ZNF208: variants seen among roughly 807,000 people sequenced by gnomAD.
ZNF208 encodes the protein zinc finger protein 208, also known as zinc finger protein 95.
ZNF208 carries 10 observed loss-of-function variants against 12.1 expected under a neutral mutation model. The ratio of observed to expected loss-of-function variants is 0.83; its 90% CI spans 0.51 to 1.40. The LOEUF (loss-of-function observed/expected upper bound fraction) is 1.40, where lower values mean the gene tolerates loss of function less well. Among genes scored for constraint, ZNF208 ranks in the 40% most tolerant of loss-of-function variants. The pLI is 0.00. For synonymous variants in ZNF208, 497 were observed against 488.4 expected, an observed-to-expected ratio of 1.02 and a Z score of -0.23; for missense variants, 1,652 against 1,485.0, an observed-to-expected ratio of 1.11 and a Z score of -1.85.
At chr19:21,956,318 CA>C (rs1211664858) in intron 4 of ZNF208, among the ~76,000 whole-genome samples, 4 of 91,504 alleles carry the variant, frequency 4.4e-5, no homozygotes, top group Non-Finnish European at 8.8e-5. Context: ...TGTCCATTCT[CA>C]TATCTCAAAA....
At position 21,974,574 on chromosome 19, in the gene ZNF208, A is replaced by G. The variant is rs369077221; in HGVS notation, c.460T>C (p.Phe154Leu). 1.9e-6 allele frequency: 3 copies of G among 1,613,684 alleles called. No homozygotes were observed. The highest frequency in any genetic ancestry group is 2.5e-6 in the Non-Finnish European group (3 of 1,179,722). The change falls in exon 4 of 4, where the codon TTT becomes CTT. Residue 154 changes from phenylalanine to leucine, a missense_variant. Transcript: ENST00000397126. Reference protein sequence around the residue: ...VFQRGKYANVFHKCSNSNRHK... With the variant: ...VFQRGKYANVLHKCSNSNRHK... ...CTGTTTGAATTTGAACATTTATGAA[A>G]GACATTTGCATATTTGCCACGTTGA...
chr19:21,985,199 TAGAAAC>T (rs1323742358), intron 3 of ZNF208, among the ~76,000 whole-genome samples: 2 of 152,116 alleles, frequency 1.3e-5, no homozygotes, highest in African/African-American at 4.8e-5. Context: ...TTTAAACTCT[TAGAAAC>T]AGATAAAAAC....
chr19:22,005,954 A>C (rs188769962), intron 1 of ZNF208, among the ~76,000 whole-genome samples: 2 of 152,272 alleles, frequency 1.3e-5, no homozygotes, highest in African/African-American at 4.8e-5. Flanking sequence ...TACCTACTAC[A>C]CAACCAGGAA....
chr19:21,947,483 T>C (rs1969832466), intron 4 of ZNF208, among the ~76,000 whole-genome samples: 1 of 152,160 alleles, frequency 6.6e-6, no homozygotes, highest in Admixed American at 6.5e-5. Context: ...TGGAATGGGA[T>C]TGTTCTCCAT....
intron 3 of ZNF208, among the ~76,000 whole-genome samples, chr19:21,977,441 G>C (rs1970453277): frequency 6.6e-6 from 1 of 152,180 alleles, no homozygotes; most frequent in Non-Finnish European, 1.5e-5. Flanking sequence ...CCAAAGCAGG[G>C]TGGGATGTCG....
rs757189243 is a variant in ZNF208, at chr19:21,970,732, T to G, written c.*459A>C. On this transcript the variant is annotated 3_prime_UTR_variant, in exon 4 of 4. Transcript: ENST00000397126. The stretch of plus-strand genomic sequence containing the variant: ...ATGAATTTTCTTATGTGTAGGAGGG[T>G]TGGGAACTGTTTAAAAGCTTTGCCA... 1.6e-6 allele frequency: 2 copies of G among 1,252,936 alleles called. No homozygotes were observed. Among genetic ancestry groups the G allele is most frequent in the Admixed American group, 1.7e-5 (1 of 57,788 alleles). The allele number at this position is 1,252,936 out of a possible 1,614,324, so 77.6% of individuals were successfully genotyped here. A position where few individuals can be genotyped will look rare whatever the true frequency, so the allele number is the denominator to read the frequency against.
At chr19:22,000,256 G>T (rs1444019712) in intron 1 of ZNF208, among the ~76,000 whole-genome samples, 1 of 152,126 alleles carries the variant, frequency 6.6e-6, no homozygotes, top group African/African-American at 2.4e-5. Flanking sequence ...CGTAATATAT[G>T]TTCTTCTCAT....
rs1250196188 is a variant in ZNF208 at position 21,974,290 on chromosome 19, C to T, written c.744G>A (p.Lys248=). The change falls in exon 4 of 4, where the codon AAG becomes AAA. Residue 248 remains lysine (K), a synonymous_variant. Transcript: ENST00000397126. The part of the protein sequence containing the change: ...FSKFSILTKH[K]VIHTGEKSYK... ...AGGATTTCTCTCCAGTATGAATTAC[C>T]TTATGTTTAGTAAGGATTGAGAACT... 2.5e-6 allele frequency: 4 copies of T among 1,613,244 alleles called. No individual in the cohort carries two copies. Among genetic ancestry groups the T allele is most frequent in the Non-Finnish European group, 2.5e-6 (3 of 1,179,730 alleles).
chr19:21,954,726 G>C (rs1207968290), intron 4 of ZNF208, among the ~76,000 whole-genome samples: 4 of 152,118 alleles, frequency 2.6e-5, no homozygotes, highest in East Asian at 1.9e-4. Context: ...GCCTATGTGT[G>C]TCTCTGCAGG....
chr19:21,953,887 T>A (rs1161204525), intron 4 of ZNF208, among the ~76,000 whole-genome samples: 2 of 152,236 alleles, frequency 1.3e-5, no homozygotes, highest in African/African-American at 2.4e-5. Flanking sequence ...TTTTTGAATG[T>A]GTTTGCTCAT....
rs1341621706 is a variant in ZNF208 at position 21,970,899 on chromosome 19, T to C, written c.*292A>G. On this transcript the variant is annotated 3_prime_UTR_variant, in exon 4 of 4. Coordinates refer to ENST00000397126, the MANE Select transcript of ZNF208 (RefSeq NM_007153.3). ...ATGAATTTTCTATGATAACTGAGGG[T>C]TGAGGACCACTTATAGGCTTTGCCA... is the stretch of plus-strand genomic sequence containing the variant. Among the ~76,000 whole-genome samples the C allele has an allele frequency of 6.6e-6, 1 of 151,428 alleles. No individual in the cohort carries two copies. Among genetic ancestry groups the C allele is most frequent in the Admixed American group, 6.6e-5 (1 of 15,180 alleles).
intron 4 of ZNF208, among the ~76,000 whole-genome samples, chr19:21,943,685 A>G (rs1327751299): frequency 6.6e-6 from 1 of 152,190 alleles, no homozygotes; most frequent in African/African-American, 2.4e-5. Flanking sequence ...AACAAAAAAA[A>G]TGAGATAGGA....
Position 21,969,824 on chromosome 19 carries a change from C to G in ZNF208, c.*1367G>C, listed in dbSNP as rs527554984. 2.6e-4 allele frequency among the ~76,000 whole-genome samples: 39 copies of G among 152,236 alleles called. No individual in the cohort carries two copies. Among genetic ancestry groups the G allele is most frequent in the Non-Finnish European group, 3.7e-4 (25 of 68,010 alleles). ...TTTTATTTTCTGAAAGATCTAGTGA[C>G]AGTGATTGCACTTTTAATACTTTTA... On this transcript the variant is annotated 3_prime_UTR_variant, in exon 4 of 4. Transcript: ENST00000397126.
At chr19:21,961,378 G>C (rs538271926), downstream of ZNF208, among the ~76,000 whole-genome samples, 1 of 152,170 alleles carries the variant, frequency 6.6e-6, no homozygotes, top group African/African-American at 2.4e-5. Context: ...AAGATCACAT[G>C]CTTCTGAGGA....
intron 3 of ZNF208, among the ~76,000 whole-genome samples, chr19:21,979,679 G>A (rs1386155471): frequency 1.3e-5 from 2 of 152,078 alleles, no homozygotes; most frequent in South Asian, 2.1e-4. Flanking sequence ...CAACTAATGG[G>A]CAAAATAACC....
chr19:21,978,059 T>A (rs1407920000), intron 3 of ZNF208, among the ~76,000 whole-genome samples: 1 of 151,980 alleles, frequency 6.6e-6, no homozygotes, highest in East Asian at 1.9e-4. Flanking sequence ...CTGAAAAAAA[T>A]GCAGCAGCCA....
chr19:21,974,195 G>A lies in ZNF208; in HGVS notation c.839C>T (p.Thr280Ile). ...TTCACATTTGTTGGGTTTCTCTCCA[G>A]TATGAATTATCTTATGTTTAGTAAG... ...AILTKHKIIH[T>I]GEKPNKCEEC... Residue 280 changes from threonine (T) to isoleucine (I), a missense_variant, in exon 4 of 4, where the codon ACT (threonine) becomes ATT (isoleucine). Transcript: ENST00000397126. The A allele has an allele frequency of 6.2e-7, 1 of 1,603,032 alleles. No homozygotes were observed. The highest frequency in any genetic ancestry group is 1.7e-4 in the Middle Eastern group (1 of 6,030).
intron 1 of ZNF208, among the ~76,000 whole-genome samples, chr19:22,008,345 G>T: frequency 6.7e-6 from 1 of 148,222 alleles, no homozygotes; most frequent in Non-Finnish European, 1.5e-5. Context: ...CAAAATAAGT[G>T]AACAATGCAT....
chr19:21,980,479 T>C (rs1031674403), intron 3 of ZNF208, among the ~76,000 whole-genome samples: 2 of 151,960 alleles, frequency 1.3e-5, no homozygotes, highest in African/African-American at 4.8e-5. Flanking sequence ...ATAGGGTAAA[T>C]AATAAAATGA....
Sources: allele counts gnomAD v4.1 joint callset (sites outside exome capture counted in the v4.1 genomes callset), GRCh38; gene constraint gnomAD v4.1.1; transcripts MANE v1.5; gene names NCBI Gene and HGNC (gene_info 2026-07-23, HGNC 2026-07-21).